MMP10: variants seen among roughly 807,000 people sequenced by gnomAD.
MMP10 encodes the protein stromelysin-2.
A neutral mutation model predicts 49.1 loss-of-function variants in MMP10; 50 were observed. The observed-to-expected ratio is 1.02, with a 90% CI of 0.81 to 1.29. The LOEUF (loss-of-function observed/expected upper bound fraction) is 1.29, where lower values mean the gene tolerates loss of function less well. MMP10 is among the 50% of genes most tolerant of loss of function. The pLI, the probability that MMP10 is intolerant of heterozygous loss-of-function variation, is 0.00. For missense variants in MMP10, 613 were observed against 563.8 expected, an observed-to-expected ratio of 1.09 and a Z score of -0.88; for synonymous variants, 229 against 201.6, an observed-to-expected ratio of 1.14 and a Z score of -1.15.
chr11:102,779,479 T>C, intron 2 of MMP10, 25 bp downstream of exon 2: 1 of 1,612,598 alleles, frequency 6.2e-7, no homozygotes, highest in Non-Finnish European at 8.5e-7. Flanking sequence ...TTCAATATTA[T>C]GTGAAAACTA....
chr11:102,773,735 G>C (rs935074575), intron 7 of MMP10, among the ~76,000 whole-genome samples: 1 of 152,154 alleles, frequency 6.6e-6, no homozygotes, highest in Non-Finnish European at 1.5e-5. Context: ...AGAACTTTAA[G>C]ACCCATCCTA....
At chr11:102,773,561 C>A (rs1861995286) in intron 7 of MMP10, among the ~76,000 whole-genome samples, 1 of 152,238 alleles carries the variant, frequency 6.6e-6, no homozygotes, top group Non-Finnish European at 1.5e-5. Context: ...ATTCACTAAT[C>A]TAAAATGTCC....
Position 102,772,433 on chromosome 11 carries a change from A to G in MMP10, c.1227-318T>C, listed in dbSNP as rs1861984463. Among the ~76,000 whole-genome samples, 1 of 152,218 alleles carries G rather than the reference A, an allele frequency of 6.6e-6. No homozygotes were observed. The highest frequency in any genetic ancestry group is 1.5e-5 in the Non-Finnish European group (1 of 68,042). On this transcript the variant is annotated intron_variant, in intron 8 of 9. Transcript: ENST00000279441. This position sits in a 1 kb window ranked among gnomAD's most constrained non-coding sequence, Gnocchi z 4.4. ...CTGTGTCTACTATAAATACATAAAGACTGTGTAGACATAATGAATTCATAA... is the reference window on the plus strand; with the variant it reads ...CTGTGTCTACTATAAATACATAAAGGCTGTGTAGACATAATGAATTCATAA...
intron 4 of MMP10, among the ~76,000 whole-genome samples, chr11:102,777,570 T>C (rs2134351045): frequency 6.6e-6 from 1 of 152,272 alleles, no homozygotes; most frequent in South Asian, 2.1e-4. Context: ...TCAAATAATT[T>C]TTGATTGTCA....
Position 102,775,219 on chromosome 11 carries a change from A to C in MMP10, c.1035T>G (p.Val345=). ...AAATAAAAACGGTGTCCCTGCTGTT[A>C]ACTTCATATGCAGCATCCAAATATG... ...LPSYLDAAYE[V]NSRDTVFIFK... is the part of the protein sequence containing the mutation. Residue 345 remains valine, a synonymous_variant, in exon 7 of 10, where the codon GTT becomes GTG. Transcript: ENST00000279441. 1 of 1,604,710 alleles carries C rather than the reference A, an allele frequency of 6.2e-7. No individual in the cohort carries two copies. Among genetic ancestry groups the C allele is most frequent in the Non-Finnish European group, 8.5e-7 (1 of 1,175,288 alleles).
Position 102,772,858 on chromosome 11 carries a change from G to T in MMP10, c.1215C>A (p.Asp405Glu). Reference protein sequence around the residue: ...EKKKTYFFAADKYWRFDENSQ... With the variant: ...EKKKTYFFAAEKYWRFDENSQ... ...CTCTTGCATCTCACCTCCAGTATTTGTCCGCTGCAAAGAAGTATGTTTTCT... is the reference window on the plus strand; with the variant it reads ...CTCTTGCATCTCACCTCCAGTATTTTTCCGCTGCAAAGAAGTATGTTTTCT... Residue 405 changes from aspartate (D) to glutamate (E), a missense_variant, in exon 8 of 10, where the codon GAC becomes GAA. By Grantham distance (45) the Asp-to-Glu change is conservative. Transcript: ENST00000279441. The surrounding 1 kb of genome is among the most constrained non-coding windows in gnomAD (Gnocchi z 4.4). 6.2e-7 allele frequency: 1 copy of T among 1,610,384 alleles called. No homozygotes were observed. The highest frequency in any genetic ancestry group is 8.5e-7 in the Non-Finnish European group (1 of 1,178,802).
Position 102,770,575 on chromosome 11 carries a change from T to C in MMP10, c.*218A>G. 1 of 433,266 alleles carries C rather than the reference T, an allele frequency of 2.3e-6. No homozygotes were observed. Among genetic ancestry groups the C allele is most frequent in the Non-Finnish European group, 4.0e-6 (1 of 247,086 alleles). The allele number at this position is 433,266 out of a possible 1,614,324, so 26.8% of individuals were successfully genotyped here. A position where few individuals can be genotyped will look rare whatever the true frequency, so the allele number is the denominator to read the frequency against. On this transcript the variant is annotated 3_prime_UTR_variant, in exon 10 of 10. Coordinates refer to ENST00000279441, the MANE Select transcript of MMP10 (RefSeq NM_002425.3). Reference sequence around the variant, plus strand: ...ATCTATGAAAATACATTCTCTCACCTATTGCACATGAGTATTTCTTAATTC... The same window carrying C: ...ATCTATGAAAATACATTCTCTCACCCATTGCACATGAGTATTTCTTAATTC...
chr11:102,775,370 G>GAA, intron 6 of MMP10, 49 bp from the exon 7 acceptor site: 2 of 1,462,860 alleles, frequency 1.4e-6, no homozygotes, highest in South Asian at 1.4e-5. Flanking sequence ...TTAGATATGT[G>GAA]AAAAAAAAAT....
rs748754621 is a variant in MMP10 at position 102,776,294 on chromosome 11, C to A, written c.918G>T (p.Leu306=). The change falls in exon 6 of 10, where the codon CTG becomes CTT. Residue 306 remains leucine, a synonymous_variant. Transcript: ENST00000279441. ...TCTGGTCTGACCTGTCTTTAAAGAA[C>A]AGATATTCTCCCCTCAGAGTGCTGA... ...DAISTLRGEY[L]FFKDRYFWRR... is the part of the protein sequence containing the mutation. 6.2e-7 allele frequency: 1 copy of A among 1,613,302 alleles called. No homozygotes were observed. Among genetic ancestry groups the A allele is most frequent in the Admixed American group, 1.7e-5 (1 of 59,890 alleles).
Position 102,778,621 on chromosome 11 carries a change from C to T in MMP10, c.622+3G>A. On this transcript the variant is annotated splice_donor_region_variant and intron_variant, in intron 4 of 9. Coordinates refer to ENST00000279441, the MANE Select transcript of MMP10 (RefSeq NM_002425.3). ...AAATGTTCCCGAGAGGTTTACGACC[C>T]ACCTGATGCATCTTCTGTCCATTTT... 6.2e-7 allele frequency: 1 copy of T among 1,613,786 alleles called. No individual in the cohort carries two copies. The highest frequency in any genetic ancestry group is 8.5e-7 in the Non-Finnish European group (1 of 1,179,872).
At position 102,779,600 on chromosome 11, in the gene MMP10, T is replaced by C; in HGVS notation, c.251A>G (p.Glu84Gly). ...VTGKLDTDTLEVMRKPRCGVP... is the reference protein window; with the variant it reads ...VTGKLDTDTLGVMRKPRCGVP... ...TCCACACCTGGGCTTGCGCATCACC[T>C]CCAGAGTGTCAGTGTCTAGCTTCCC... Residue 84 changes from glutamate to glycine, a missense_variant, in exon 2 of 10, where the codon GAG (glutamate) becomes GGG (glycine). Physicochemically the swap from Glu to Gly is moderately conservative, Grantham distance 98. Transcript: ENST00000279441. 1 of 1,614,038 alleles carries C rather than the reference T, an allele frequency of 6.2e-7. No individual in the cohort carries two copies. Among genetic ancestry groups the C allele is most frequent in the South Asian group, 1.1e-5 (1 of 91,078 alleles).
Position 102,776,741 on chromosome 11 carries a change from C to A in MMP10, c.658G>T (p.Gly220Cys). Residue 220 changes from glycine to cysteine, a missense_variant, in exon 5 of 10, where the codon GGC (glycine) becomes TGC (cysteine). Gly to Cys is a radical substitution (Grantham distance 159). Transcript: ENST00000279441. ...NLFLVAAHEL[G>C]HSLGLFHSAN... ...GAGTGAAAGAGCCCCAGGGAGTGGC[C>A]AAGTTCATGAGCAGCAACGAGGAAT... 6.2e-7 allele frequency: 1 copy of A among 1,613,920 alleles called. No homozygotes were observed.
chr11:102,777,361 T>G (rs907185115), intron 4 of MMP10, among the ~76,000 whole-genome samples: 4 of 152,088 alleles, frequency 2.6e-5, no homozygotes, highest in Non-Finnish European at 5.9e-5. Context: ...GTCCAAGCGA[T>G]TCTCGTGCCT....
rs1861968123 is a variant in MMP10, at chr11:102,770,799, A to G, written c.1425T>C (p.His475=). ...TGTCTTCCCCCTATCTCGCCTAGCA[A>G]TGTAACCAGCTGTTACTCTTTAATA... ...THILKSNSWL[H]C Residue 475 remains histidine, a synonymous_variant, in exon 10 of 10, where the codon CAT becomes CAC. Transcript: ENST00000279441. 1.2e-6 allele frequency: 2 copies of G among 1,600,812 alleles called. No individual in the cohort carries two copies. Among genetic ancestry groups the G allele is most frequent in the Non-Finnish European group, 1.7e-6 (2 of 1,170,854 alleles).
intron 1 of MMP10, 65 bp from the exon 2 acceptor site, chr11:102,779,810 T>A (rs1023900222): frequency 3.9e-6 from 6 of 1,526,374 alleles, no homozygotes; most frequent in Non-Finnish European, 5.3e-6. Flanking sequence ...ACTTTTATAA[T>A]CCATCGTAAT....
At position 102,778,728 on chromosome 11, in the gene MMP10, A is replaced by G; in HGVS notation, c.518T>C (p.Phe173Ser). 6.2e-7 allele frequency: 1 copy of G among 1,613,888 alleles called. No individual in the cohort carries two copies. Residue 173 changes from phenylalanine (F) to serine (S), a missense_variant, in exon 4 of 10, where the codon TTT becomes TCT. Phe to Ser is a radical substitution (Grantham distance 155). Transcript: ENST00000279441. ...AVKEHGDFYS[F>S]DGPGHSLAHA... is the part of the protein sequence containing the mutation. ...AGCCAAACTGTGTCCTGGGCCATCA[A>G]AAGAGTAAAAGTCTCCATGTTCTGA... is the stretch of plus-strand genomic sequence containing the variant.
rs1327236565 is a variant in MMP10 at position 102,770,889 on chromosome 11, A to G, written c.1335T>C (p.Phe445=). The change falls in exon 10 of 10, where the codon TTT becomes TTC. Residue 445 remains phenylalanine (F), a synonymous_variant. Coordinates refer to ENST00000279441, the MANE Select transcript of MMP10 (RefSeq NM_002425.3). ...KVDAVLQAFG[F]FYFFSGSSQF... ...GTGATGATCCACTGAAGAAGTAGAA[A>G]AATCCTGTAAATATAGATAAGGAAA... 6.2e-7 allele frequency: 1 copy of G among 1,601,100 alleles called. No homozygotes were observed. Among genetic ancestry groups the G allele is most frequent in the Non-Finnish European group, 8.5e-7 (1 of 1,170,104 alleles).
chr11:102,772,799 A>T lies in MMP10; in HGVS notation c.1226+48T>A. ...GGAAATATCCTTAAAGAAAGAAAAT[A>T]ATTTTCTTAATCAGGCTTCATAGAA... On this transcript the variant is annotated intron_variant, in intron 8 of 9. Transcript: ENST00000279441. This position sits in a 1 kb window ranked among gnomAD's most constrained non-coding sequence, Gnocchi z 4.4. 6.4e-6 allele frequency: 10 copies of T among 1,561,840 alleles called. No individual in the cohort carries two copies. Among genetic ancestry groups the T allele is most frequent in the Non-Finnish European group, 8.7e-6 (10 of 1,151,750 alleles).
chr11:102,772,869 A>G lies in MMP10; in HGVS notation c.1204T>C (p.Phe402Leu). The change falls in exon 8 of 10, where the codon TTT becomes CTT. Residue 402 changes from phenylalanine (F) to leucine (L), a missense_variant. By Grantham distance (22) the Phe-to-Leu change is conservative (BLOSUM62 0). Transcript: ENST00000279441. This position sits in a 1 kb window ranked among gnomAD's most constrained non-coding sequence, Gnocchi z 4.4. ...SDKEKKKTYF[F>L]AADKYWRFDE... ...CACCTCCAGTATTTGTCCGCTGCAA[A>G]GAAGTATGTTTTCTTCTTTTCCTTG... The G allele has an allele frequency of 6.2e-7, 1 of 1,612,542 alleles. No homozygotes were observed. The highest frequency in any genetic ancestry group is 1.1e-5 in the South Asian group (1 of 90,586).
Sources: allele counts gnomAD v4.1 joint callset (sites outside exome capture counted in the v4.1 genomes callset), GRCh38; gene constraint gnomAD v4.1.1; non-coding constraint Gnocchi (gnomAD v3.1); transcripts MANE v1.5; gene names NCBI Gene and HGNC (gene_info 2026-07-23, HGNC 2026-07-21).